The following RARS1 variants were observed in gnomAD, a reference collection of about 807,000 sequenced individuals.
RARS1 encodes arginyl-tRNA synthetase 1.
A neutral mutation model predicts 78.7 loss-of-function variants in RARS1; 75 were observed. That is an observed-to-expected ratio of 0.95 (90% CI 0.79 to 1.15). The LOEUF (loss-of-function observed/expected upper bound fraction) is 1.15. RARS1 is among the 50% of genes most tolerant of loss of function. RARS1 has a pLI of 0.00. For missense variants in RARS1, 787 were observed against 787.5 expected, an observed-to-expected ratio of 1.00 and a Z score of 0.01; for synonymous variants, 273 against 268.2, an observed-to-expected ratio of 1.02 and a Z score of -0.18.
intron 13 of RARS1, 97 bp from the exon 14 acceptor site, chr5:168,517,718 C>T: frequency 2.0e-6 from 3 of 1,486,712 alleles, no homozygotes; most frequent in Non-Finnish European, 2.7e-6. Context: ...TTTATAGGAA[C>T]TTCTTTTTAA....
intron 2 of RARS1, among the ~76,000 whole-genome samples, chr5:168,492,372 G>A (rs1758103772): frequency 2.0e-5 from 3 of 152,132 alleles, no homozygotes; most frequent in Admixed American, 6.6e-5. Context: ...GCTGAGAAAA[G>A]GATTCCATCA....
Position 168,505,947 on chromosome 5 carries a change from A to G in RARS1, c.1058-74A>G, listed in dbSNP as rs1582437158. 53 of 1,130,600 alleles carry G rather than the reference A, an allele frequency of 4.7e-5. 1 individual carries two copies. The East Asian group carries it at 1.2e-3, about 26-fold the overall frequency. The allele number at this position is 1,130,600 out of a possible 1,614,324, so 70.0% of individuals were successfully genotyped here. ...TCTTAGAATAACTAAATATTTACAT[A>G]GTAGAATGAGTAAGCATTCATTTTC... On this transcript the variant is annotated intron_variant, in intron 9 of 14. Coordinates refer to ENST00000231572, the MANE Select transcript of RARS1 (RefSeq NM_002887.4).
Position 168,499,051 on chromosome 5 carries a change from C to T in RARS1, c.823-1540C>T, listed in dbSNP as rs911064363. On this transcript the variant is annotated intron_variant, in intron 7 of 14. Coordinates refer to ENST00000231572, the MANE Select transcript of RARS1 (RefSeq NM_002887.4). The stretch of plus-strand genomic sequence containing the variant: ...TTTCCTTATGGGCTGGGTGCAGTGG[C>T]TCATGCCTGTAATCCTAGCACTTTG... 3.9e-5 allele frequency among the ~76,000 whole-genome samples: 6 copies of T among 152,086 alleles called. 1 individual carries two copies.
At chr5:168,513,468 T>C (rs959769673) in intron 12 of RARS1, among the ~76,000 whole-genome samples, 1 of 152,080 alleles carries the variant, frequency 6.6e-6, no homozygotes, top group Non-Finnish European at 1.5e-5. Flanking sequence ...TACAGGCACA[T>C]GCCAACACAC....
chr5:168,518,095 T>TTTTTTTTTTTTTTTTTTTTGTTTTTTTTA, intron 14 of RARS1, 33 bp downstream of exon 14: 1 of 1,338,148 alleles, frequency 7.5e-7, no homozygotes. Context: ...TTTTTTTTTT[T>TTTTTTTTTTTTTTTTTTTTGTTTTTTTTA]AGTGAGAGAC....
At position 168,506,112 on chromosome 5, in the gene RARS1, C is replaced by T. The variant is rs750812686; in HGVS notation, c.1149C>T (p.Thr383=). 1.9e-6 allele frequency: 3 copies of T among 1,601,904 alleles called. No homozygotes were observed. The South Asian group carries it at 3.4e-5, about 18-fold the overall frequency. ...TAGTAAAATCAGATGGAGGTTATAC[C>T]TATGATACATCTGACCTGGCTGCTA... is the stretch of plus-strand genomic sequence containing the variant. ...LTIVKSDGGY[T]YDTSDLAAIK... Residue 383 remains threonine, a synonymous_variant, in exon 10 of 15, where the codon ACC becomes ACT. Transcript: ENST00000231572.
chr5:168,486,635 C>T (rs1049379028), intron 1 of RARS1, 92 bp downstream of exon 1: 1 of 1,362,770 alleles, frequency 7.3e-7, no homozygotes, highest in South Asian at 1.2e-5. Context: ...GACAGCTAGG[C>T]GAGGACCATC....
chr5:168,506,077 C>T lies in RARS1; in HGVS notation c.1114C>T (p.Pro372Ser), dbSNP rs2152905309. 1.2e-6 allele frequency: 2 copies of T among 1,608,204 alleles called. No homozygotes were observed. Among genetic ancestry groups the T allele is most frequent in the Non-Finnish European group, 1.7e-6 (2 of 1,177,410 alleles). Residue 372 changes from proline to serine, a missense_variant, in exon 10 of 15, where the codon CCA becomes TCA. By Grantham distance (74) the Pro-to-Ser change is moderately conservative. Coordinates refer to ENST00000231572, the MANE Select transcript of RARS1 (RefSeq NM_002887.4). ...TGTATTTGTCCCAGGGTGTTCCATACCATTAACCATAGTAAAATCAGATGG... is the reference window on the plus strand; with the variant it reads ...TGTATTTGTCCCAGGGTGTTCCATATCATTAACCATAGTAAAATCAGATGG... ...KIVFVPGCSI[P>S]LTIVKSDGGY...
At chr5:168,493,349 G>A (rs3756601) in intron 3 of RARS1, among the ~76,000 whole-genome samples, 24,366 of 152,050 alleles carry the variant, frequency 0.16, 2,460 homozygotes, top group East Asian at 0.52. Context: ...TTGCTGAATT[G>A]GAAGGGGTTA....
chr5:168,496,293 T>G (rs1370518310), intron 6 of RARS1, among the ~76,000 whole-genome samples: 1 of 150,238 alleles, frequency 6.7e-6, no homozygotes, highest in African/African-American at 2.4e-5. Flanking sequence ...GCAGGAGAAT[T>G]GCTTGAACCT....
intron 10 of RARS1, among the ~76,000 whole-genome samples, chr5:168,506,459 A>C (rs1330963991): frequency 6.6e-6 from 1 of 152,198 alleles, no homozygotes; most frequent in African/African-American, 2.4e-5. Flanking sequence ...GTGAGACCTA[A>C]AATGTAATTG....
At chr5:168,493,633 CAAAA>C (rs35001933) in intron 3 of RARS1, among the ~76,000 whole-genome samples, 1 of 78,236 alleles carries the variant, frequency 1.3e-5, no homozygotes, top group Non-Finnish European at 2.5e-5. Flanking sequence ...GACTCCATCT[CAAAA>C]AAAAAAAAAA....
intron 10 of RARS1, 126 bp downstream of exon 10, chr5:168,506,325 G>A (rs979395549): frequency 3.4e-5 from 27 of 788,900 alleles, no homozygotes; most frequent in Admixed American, 1.3e-4. Context: ...CAGGACATCA[G>A]TATAGCATAG....
intron 12 of RARS1, among the ~76,000 whole-genome samples, chr5:168,511,672 A>C (rs558685692): frequency 1.2e-4 from 19 of 152,178 alleles, no homozygotes; most frequent in Non-Finnish European, 2.2e-4. Flanking sequence ...GTTACTTTTA[A>C]TTGTGCATAG....
chr5:168,508,651 CAG>C (rs1435304363), intron 11 of RARS1, among the ~76,000 whole-genome samples: 1 of 147,536 alleles, frequency 6.8e-6, no homozygotes, highest in Non-Finnish European at 1.5e-5. Context: ...AAAATTCTCA[CAG>C]AGGGGGATGG....
intron 14 of RARS1, 60 bp from the exon 15 acceptor site, chr5:168,519,021 T>C: frequency 1.4e-6 from 2 of 1,438,486 alleles, no homozygotes; most frequent in Non-Finnish European, 1.9e-6. Flanking sequence ...CATAGATTCT[T>C]TAATAATGAT....
At chr5:168,486,589 A>G (rs1212693963) in intron 1 of RARS1, 46 bp downstream of exon 1, 2 of 1,547,464 alleles carry the variant, frequency 1.3e-6, no homozygotes, top group African/African-American at 1.4e-5. Flanking sequence ...GAGATGGAGC[A>G]GGCTCTGACT....
chr5:168,500,892 A>G (rs1336474884), intron 8 of RARS1, among the ~76,000 whole-genome samples, 172 bp downstream of exon 8: 1 of 152,174 alleles, frequency 6.6e-6, no homozygotes, highest in Non-Finnish European at 1.5e-5. Context: ...CTGCCATAAG[A>G]CAGGCAGGTT....
At chr5:168,511,422 G>C (rs1758561304) in intron 12 of RARS1, among the ~76,000 whole-genome samples, 2 of 151,940 alleles carry the variant, frequency 1.3e-5, no homozygotes, top group African/African-American at 4.8e-5. Context: ...AAGAGAGAGA[G>C]AGTAGGGGGA....
Sources: allele counts gnomAD v4.1 joint callset (sites outside exome capture counted in the v4.1 genomes callset), GRCh38; gene constraint gnomAD v4.1.1; transcripts MANE v1.5; gene names NCBI Gene and HGNC (gene_info 2026-07-23, HGNC 2026-07-21).